Variants in COL21A1 observed in about 807,000 individuals in gnomAD.
The protein encoded by COL21A1 is collagen alpha-1(XXI) chain.
A neutral mutation model predicts 137.9 loss-of-function variants in COL21A1; 149 were observed. The observed-to-expected ratio is 1.08, with a 90% CI of 0.95 to 1.24. The LOEUF (loss-of-function observed/expected upper bound fraction) is 1.24. Among genes scored for constraint, COL21A1 ranks in the 50% most tolerant of loss-of-function variants. The probability of loss-of-function intolerance (pLI) is 0.00; values close to 1 mark genes in which losing one functional copy is unlikely to be tolerated. For synonymous variants in COL21A1, 456 were observed against 391.5 expected, an observed-to-expected ratio of 1.16 and a Z score of -1.95; for missense variants, 1,167 against 1,158.4, an observed-to-expected ratio of 1.01 and a Z score of -0.11.
chr6:56,213,294 T>A (rs1259163266), intron 1 of COL21A1, among the ~76,000 whole-genome samples: 2 of 152,130 alleles, frequency 1.3e-5, no homozygotes, highest in Admixed American at 6.6e-5. Context: ...CATTATGTAG[T>A]GATGTTTTCA....
chr6:56,155,248 TTATC>T (rs1488806522), intron 10 of COL21A1, among the ~76,000 whole-genome samples: 1 of 152,240 alleles, frequency 6.6e-6, no homozygotes, highest in Non-Finnish European at 1.5e-5. Context: ...GTTTACCTGT[TTATC>T]CATCCTCTTC....
chr6:56,337,454 T>C (rs1180704100), intron 1 of COL21A1, among the ~76,000 whole-genome samples: 1 of 148,518 alleles, frequency 6.7e-6, no homozygotes, highest in Non-Finnish European at 1.5e-5. Flanking sequence ...CACTAAAAAC[T>C]ATCATGATCA....
At chr6:56,339,460 G>T (rs9296839) in intron 1 of COL21A1, among the ~76,000 whole-genome samples, 1 of 151,764 alleles carries the variant, frequency 6.6e-6, no homozygotes, top group East Asian at 1.9e-4. Context: ...GAGGATTCAT[G>T]TGGTTTTCCA....
At chr6:56,150,205 C>G (rs1775183381) in intron 10 of COL21A1, among the ~76,000 whole-genome samples, 1 of 152,152 alleles carries the variant, frequency 6.6e-6, no homozygotes, top group African/African-American at 2.4e-5. Flanking sequence ...ACCTCTAGTT[C>G]ACTCAGTGGC....
intron 20 of COL21A1, among the ~76,000 whole-genome samples, chr6:56,072,694 A>G (rs62406155): frequency 0.15 from 23,020 of 151,496 alleles, 1,779 homozygotes; most frequent in Middle Eastern, 0.22. Flanking sequence ...CACTATAATG[A>G]TAAAATTGAG....
At chr6:56,166,318 T>A (rs529407348) in intron 7 of COL21A1, among the ~76,000 whole-genome samples, 1 of 152,266 alleles carries the variant, frequency 6.6e-6, no homozygotes, top group South Asian at 2.1e-4. Context: ...CATCTTGCTT[T>A]ACCTGAGCAC....
intron 6 of COL21A1, among the ~76,000 whole-genome samples, chr6:56,167,863 T>A (rs1457379570): frequency 6.6e-6 from 1 of 152,186 alleles, no homozygotes; most frequent in Non-Finnish European, 1.5e-5. Context: ...ATGAAATTAA[T>A]GTTTCCTAGA....
chr6:56,193,576 G>A (rs986255709), intron 1 of COL21A1, among the ~76,000 whole-genome samples: 1 of 151,988 alleles, frequency 6.6e-6, no homozygotes, highest in African/African-American at 2.4e-5. Flanking sequence ...GGCTACATTT[G>A]CAAAGTCAGT....
intron 17 of COL21A1, among the ~76,000 whole-genome samples, chr6:56,091,229 T>C (rs776089195): frequency 1.3e-5 from 2 of 152,124 alleles, no homozygotes; most frequent in Non-Finnish European, 2.9e-5. Context: ...GCAGAAAAGG[T>C]GATTAAACAA....
At chr6:56,212,622 C>G (rs998253218) in intron 1 of COL21A1, among the ~76,000 whole-genome samples, 1 of 151,822 alleles carries the variant, frequency 6.6e-6, no homozygotes, top group Non-Finnish European at 1.5e-5. Context: ...CAAGAGAAGA[C>G]CTAGGAAAAA....
chr6:56,187,575 T>C (rs1381695873), intron 1 of COL21A1, among the ~76,000 whole-genome samples: 1 of 152,198 alleles, frequency 6.6e-6, no homozygotes. Flanking sequence ...GTCAAAGTAG[T>C]TGGATAGAAA....
At chr6:56,383,796 TA>T (rs111684373) in intron 1 of COL21A1, among the ~76,000 whole-genome samples, 24 of 152,298 alleles carry the variant, frequency 1.6e-4, no homozygotes, top group African/African-American at 5.5e-4. Context: ...GTGACTTTAT[TA>T]AAATAAGTTT....
intron 1 of COL21A1, among the ~76,000 whole-genome samples, chr6:56,305,139 T>A (rs1342556177): frequency 1.3e-5 from 2 of 152,198 alleles, no homozygotes; most frequent in African/African-American, 2.4e-5. Flanking sequence ...TGCTGAGGAA[T>A]GCTTTACTTC....
chr6:56,089,840 C>T (rs1768624797), intron 17 of COL21A1, among the ~76,000 whole-genome samples: 1 of 152,118 alleles, frequency 6.6e-6, no homozygotes. Flanking sequence ...CTTGAAATTT[C>T]AGGGCTCAAT....
At position 56,325,406 on chromosome 6, in the gene COL21A1, T is replaced by TATATTATATA. The variant is rs1765009270; in HGVS notation, c.-39+68564_-39+68565insTATATAATAT. On this transcript the variant is annotated intron_variant, in intron 1 of 28. Transcript: ENST00000370819. ...AATATATTATATATTATATATATTA[T>TATATTATATA]ATATATTATATATTATATATTATAT... Among the ~76,000 whole-genome samples the TATATTATATA allele has an allele frequency of 6.1e-3, 2 of 328 alleles. 1 individual carries two copies. Among genetic ancestry groups the TATATTATATA allele is most frequent in the Non-Finnish European group, 0.14 (2 of 14 alleles). 0.2% of individuals were successfully genotyped at this position (328 alleles called of 152,430 possible).
chr6:56,215,236 A>G (rs1185819243), intron 1 of COL21A1, among the ~76,000 whole-genome samples: 1 of 151,956 alleles, frequency 6.6e-6, no homozygotes, highest in Admixed American at 6.6e-5. Context: ...TCTTCAACCC[A>G]TTGCAATAAT....
chr6:56,118,427 C>A (rs1183975449), intron 16 of COL21A1, among the ~76,000 whole-genome samples: 1 of 151,812 alleles, frequency 6.6e-6, no homozygotes, highest in East Asian at 1.9e-4. Context: ...TAACAAGATG[C>A]AAACTGTCAT....
chr6:56,057,325 G>A lies in COL21A1; in HGVS notation c.*332C>T. On this transcript the variant is annotated 3_prime_UTR_variant, in exon 30 of 30. Coordinates refer to ENST00000244728, the MANE Select transcript of COL21A1 (RefSeq NM_030820.4). ...AATTAAACTCAAATCTCTACTGCAT[G>A]GAGGCTGAATGTGAAATATTTCACA... 3.2e-6 allele frequency: 1 copy of A among 309,706 alleles called. No individual in the cohort carries two copies. The highest frequency in any genetic ancestry group is 2.8e-5 in the South Asian group (1 of 35,192). 19.2% of individuals were successfully genotyped at this position (309,706 alleles called of 1,614,324 possible). A position where few individuals can be genotyped will look rare whatever the true frequency, so the allele number is the denominator to read the frequency against.
At chr6:56,343,310 T>TA (rs971167356) in intron 1 of COL21A1, among the ~76,000 whole-genome samples, 1 of 152,210 alleles carries the variant, frequency 6.6e-6, no homozygotes, top group African/African-American at 2.4e-5. Flanking sequence ...AGTAGCAGTT[T>TA]ACCTGAGCAA....
Sources: gnomAD v4.1 joint callset for allele counts (sites outside exome capture counted in the v4.1 genomes callset) on GRCh38, gnomAD v4.1.1 for gene constraint, MANE v1.5 for transcripts, NCBI Gene and HGNC (gene_info 2026-07-23, HGNC 2026-07-21) for gene names.